The following FAXDC2 variants were observed in gnomAD, a reference collection of about 807,000 sequenced individuals.
FAXDC2 encodes fatty acid hydroxylase domain containing 2, also known as fatty acid hydroxylase domain-containing protein 2.
Under a neutral mutation model 40.9 loss-of-function variants are expected in FAXDC2, and 41 were observed. The ratio of observed to expected loss-of-function variants is 1.00; its 90% confidence interval spans 0.78 to 1.30. The LOEUF is 1.30. Ranked by LOEUF, FAXDC2 falls within the 50% of genes most tolerant of loss-of-function variation. The pLI, the probability that FAXDC2 is intolerant of heterozygous loss-of-function variation, is 0.00. For synonymous variants in FAXDC2, 157 were observed against 149.3 expected, an observed-to-expected ratio of 1.05 and a Z score of -0.38; for missense variants, 390 against 408.8, an observed-to-expected ratio of 0.95 and a Z score of 0.40.
chr5:154,840,382 C>G (rs1347616212), intron 1 of FAXDC2, among the ~76,000 whole-genome samples: 1 of 151,736 alleles, frequency 6.6e-6, no homozygotes, highest in Non-Finnish European at 1.5e-5. Flanking sequence ...CCCATGAACC[C>G]TTTTTTTTAA....
At chr5:154,837,348 A>G (rs1760376174) in intron 2 of FAXDC2, among the ~76,000 whole-genome samples, 1 of 151,960 alleles carries the variant, frequency 6.6e-6, no homozygotes, top group African/African-American at 2.4e-5. Context: ...AGGTTGGTCC[A>G]AAACTCTTGG....
Position 154,848,134 on chromosome 5 carries a change from C to T in FAXDC2, c.-1+2349G>A, listed in dbSNP as rs867770242. Among the ~76,000 whole-genome samples the T allele has an allele frequency of 1.0e-3, 156 of 152,246 alleles. 2 individuals are homozygous for T. The highest frequency in any genetic ancestry group is 6.8e-3 in the Middle Eastern group (2 of 294). The stretch of plus-strand genomic sequence containing the variant: ...GATTACAGGCGTGAGCCACCATGCC[C>T]GGCCTACTGAATGTTCCTATTTTAT... On this transcript the variant is annotated intron_variant, in intron 1 of 8. Coordinates refer to ENST00000326080, the MANE Select transcript of FAXDC2 (RefSeq NM_032385.5).
chr5:154,839,690 A>G (rs1760435661), intron 1 of FAXDC2, among the ~76,000 whole-genome samples: 1 of 152,166 alleles, frequency 6.6e-6, no homozygotes, highest in Non-Finnish European at 1.5e-5. Context: ...AATACTGGCA[A>G]TAAATATTTT....
chr5:154,822,263 G>GA (rs1018069177), intron 7 of FAXDC2: 17 of 540,620 alleles, frequency 3.1e-5, no homozygotes, highest in African/African-American at 2.8e-4. Context: ...GTCTCAAAAA[G>GA]AAAAAAAGAA....
intron 2 of FAXDC2, among the ~76,000 whole-genome samples, chr5:154,836,656 CT>C (rs113249245): frequency 8.1e-5 from 12 of 148,730 alleles, no homozygotes; most frequent in South Asian, 2.1e-4. Flanking sequence ...TACTTTTTTA[CT>C]TTTTTTTTTA....
At chr5:154,848,033 G>C (rs1204429527) in intron 1 of FAXDC2, among the ~76,000 whole-genome samples, 4 of 151,902 alleles carry the variant, frequency 2.6e-5, no homozygotes, top group Non-Finnish European at 4.4e-5. Context: ...TAGAGACAGG[G>C]TTTCACCATG....
At chr5:154,826,526 C>CTA (rs1303587385) in intron 5 of FAXDC2, among the ~76,000 whole-genome samples, 4 of 125,288 alleles carry the variant, frequency 3.2e-5, no homozygotes, top group Admixed American at 1.8e-4. Context: ...AAGACTGTCT[C>CTA]TAAAAAAAAA....
intron 4 of FAXDC2, chr5:154,831,251 C>T (rs1258150428): frequency 3.5e-5 from 7 of 201,402 alleles, no homozygotes; most frequent in African/African-American, 9.2e-5. Flanking sequence ...TGGGAGTCTG[C>T]GCCCACTGAA....
chr5:154,825,935 G>C (rs888990224), intron 5 of FAXDC2, among the ~76,000 whole-genome samples: 1 of 152,062 alleles, frequency 6.6e-6, no homozygotes, highest in Non-Finnish European at 1.5e-5. Context: ...TTGGCAGGAC[G>C]ATCAGAAATG....
At chr5:154,837,991 G>A (rs985669745) in intron 2 of FAXDC2, 140 bp downstream of exon 2, 2 of 642,728 alleles carry the variant, frequency 3.1e-6, no homozygotes, top group South Asian at 1.9e-5. Flanking sequence ...ACTCTGCTCA[G>A]TTACTGAAAA....
intron 5 of FAXDC2, chr5:154,823,901 T>C (rs1334121675): frequency 5.6e-6 from 2 of 354,926 alleles, no homozygotes; most frequent in Non-Finnish European, 1.1e-5. Context: ...CCAGGCCCCA[T>C]GTATTTACAG....
chr5:154,832,025 C>T (rs564638428), intron 4 of FAXDC2, among the ~76,000 whole-genome samples: 1 of 151,688 alleles, frequency 6.6e-6, no homozygotes, highest in African/African-American at 2.4e-5. Flanking sequence ...ACAATCTATT[C>T]AATGAAAAAA....
chr5:154,828,801 A>G (rs1327558586), intron 5 of FAXDC2, among the ~76,000 whole-genome samples: 1 of 151,140 alleles, frequency 6.6e-6, no homozygotes, highest in South Asian at 2.1e-4. Flanking sequence ...GGATCTCACT[A>G]TGTTGCCCAG....
chr5:154,848,100 A>G (rs1220845380), intron 1 of FAXDC2, among the ~76,000 whole-genome samples: 4 of 152,148 alleles, frequency 2.6e-5, no homozygotes, highest in Non-Finnish European at 4.4e-5. Context: ...CGGCCTCCCA[A>G]TGTGCTGGGA....
Position 154,819,043 on chromosome 5 carries a change from G to A in FAXDC2, c.*1273C>T, listed in dbSNP as rs1383116628. ...GGGTTCTAGAGCTGATAGGAAGAAG[G>A]AGTCCATTTTGATAGTCCTGCCTGG... On this transcript the variant is annotated 3_prime_UTR_variant, in exon 9 of 9. Transcript: ENST00000326080. 6.6e-6 allele frequency: 1 copy of A among 152,236 alleles called. No homozygotes were observed. The highest frequency in any genetic ancestry group is 6.5e-5 in the Admixed American group (1 of 15,288). 9.4% of individuals were successfully genotyped at this position (152,236 alleles called of 1,614,324 possible). A position where few individuals can be genotyped will look rare whatever the true frequency, so the allele number is the denominator to read the frequency against.
chr5:154,844,828 A>G (rs895445530), intron 1 of FAXDC2, among the ~76,000 whole-genome samples: 1 of 152,212 alleles, frequency 6.6e-6, no homozygotes, highest in South Asian at 2.1e-4. Flanking sequence ...TCTACAGGGC[A>G]GAGTGCTGAT....
intron 1 of FAXDC2, among the ~76,000 whole-genome samples, chr5:154,841,663 A>C (rs1228988543): frequency 6.6e-6 from 1 of 152,156 alleles, no homozygotes; most frequent in African/African-American, 2.4e-5. Context: ...TCACATCTCC[A>C]AGGTGGATAA....
At chr5:154,820,630 C>A in intron 8 of FAXDC2, 158 bp from the exon 9 acceptor site, 2 of 571,836 alleles carry the variant, frequency 3.5e-6, no homozygotes, top group Non-Finnish European at 6.1e-6. Flanking sequence ...GGAGTTGCTA[C>A]CAATGCATCT....
rs1308541881 is a variant in FAXDC2, at chr5:154,830,430, C to T, written c.366+371G>A. 2.7e-5 allele frequency: 5 copies of T among 186,202 alleles called. No individual in the cohort carries two copies. The East Asian group carries it at 5.9e-4, about 22-fold the overall frequency. 11.5% of individuals were successfully genotyped at this position (186,202 alleles called of 1,614,324 possible). On this transcript the variant is annotated intron_variant, in intron 5 of 8. Transcript: ENST00000326080. Reference sequence around the variant, plus strand: ...ATTGTTTTCGCAGCTGTCTCCCTCTCTCATAACAACAGCTGTTACCCATAT... The same window carrying T: ...ATTGTTTTCGCAGCTGTCTCCCTCTTTCATAACAACAGCTGTTACCCATAT...
Sources: allele counts gnomAD v4.1 joint callset (sites outside exome capture counted in the v4.1 genomes callset), GRCh38; gene constraint gnomAD v4.1.1; transcripts MANE v1.5; gene names NCBI Gene and HGNC (gene_info 2026-07-23, HGNC 2026-07-21).